The following ARIH1 variants were observed in gnomAD, a reference collection of about 807,000 sequenced individuals.
ARIH1 encodes the protein ariadne RBR E3 ubiquitin protein ligase 1, also known as E3 ubiquitin-protein ligase ARIH1.
In ARIH1, 8 loss-of-function variants were observed where a neutral mutation model predicts 85.0. The ratio of observed to expected loss-of-function variants is 0.09; its 90% confidence interval spans 0.06 to 0.17. ARIH1 has a LOEUF of 0.17. Ranked by LOEUF, ARIH1 falls within the 10% of genes least tolerant of loss-of-function variation. The pLI, the probability that ARIH1 is intolerant of heterozygous loss-of-function variation, is 1.00. For missense variants in ARIH1, 311 were observed against 718.1 expected, an observed-to-expected ratio of 0.43 and a Z score of 6.48; for synonymous variants, 238 against 253.6, an observed-to-expected ratio of 0.94 and a Z score of 0.59.
At chr15:72,543,961 GTTATC>G (rs1245357961) in intron 2 of ARIH1, among the ~76,000 whole-genome samples, 1 of 151,820 alleles carries the variant, frequency 6.6e-6, no homozygotes, top group East Asian at 1.9e-4. Context: ...AGTATTTACT[GTTATC>G]TTAACCACCT....
rs938949088 is a variant in ARIH1, at chr15:72,591,291, A to G, written c.*7999A>G. On this transcript the variant is annotated 3_prime_UTR_variant, in exon 14 of 14. Transcript: ENST00000379887. The stretch of plus-strand genomic sequence containing the variant: ...ACCAACTCTTTATAGTAGACAGTTT[A>G]TCCCCCAGAAAGCTTTTTAGGCTGA... 1 of 151,628 alleles carries G rather than the reference A, an allele frequency of 6.6e-6. No homozygotes were observed. Among genetic ancestry groups the G allele is most frequent in the Non-Finnish European group, 1.5e-5 (1 of 67,924 alleles). The allele number at this position is 151,628 out of a possible 1,614,324, so 9.4% of individuals were successfully genotyped here.
intron 6 of ARIH1, among the ~76,000 whole-genome samples, chr15:72,561,886 T>C (rs2064198996): frequency 6.6e-6 from 1 of 152,080 alleles, no homozygotes; most frequent in South Asian, 2.1e-4. Flanking sequence ...GGCAGGAGAA[T>C]CGCTTGAACC....
intron 1 of ARIH1, among the ~76,000 whole-genome samples, chr15:72,498,571 G>C (rs4776600): frequency 6.6e-6 from 1 of 152,190 alleles, no homozygotes; most frequent in Non-Finnish European, 1.5e-5. Flanking sequence ...TTGGTCTGGC[G>C]TGGTGGCTCA....
At chr15:72,521,617 C>T (rs1430204427) in intron 2 of ARIH1, among the ~76,000 whole-genome samples, 4 of 152,096 alleles carry the variant, frequency 2.6e-5, no homozygotes, top group East Asian at 1.9e-4. Context: ...GGTGCCATCT[C>T]GGCTCACTGC....
chr15:72,574,879 G>C (rs1334882834), intron 11 of ARIH1, among the ~76,000 whole-genome samples: 1 of 150,392 alleles, frequency 6.6e-6, no homozygotes, highest in Non-Finnish European at 1.5e-5. Flanking sequence ...AGACCAGCCT[G>C]AGCAACATAG....
chr15:72,538,678 A>G (rs1041102351), intron 2 of ARIH1, among the ~76,000 whole-genome samples: 1 of 152,212 alleles, frequency 6.6e-6, no homozygotes. Context: ...AATTTAATTC[A>G]TATTATTTGG....
chr15:72,500,038 A>G (rs1423455574), intron 1 of ARIH1, among the ~76,000 whole-genome samples: 1 of 152,146 alleles, frequency 6.6e-6, no homozygotes, highest in African/African-American at 2.4e-5. Context: ...TTTGTGCAAG[A>G]CATTGCCTTC....
Position 72,570,248 on chromosome 15 carries a change from T to C in ARIH1, c.1098T>C (p.Asn366=), listed in dbSNP as rs2064237141. The change falls in exon 10 of 14, where the codon AAT becomes AAC. Residue 366 remains asparagine, a synonymous_variant. Transcript: ENST00000379887. ...ATCACATGGTCTGTCGTAACCAGAA[T>C]TGTAAAGCAGAGTTTTGCTGGGTGT... ...GCNHMVCRNQ[N]CKAEFCWVCL... 6.2e-7 allele frequency: 1 copy of C among 1,613,956 alleles called. No individual in the cohort carries two copies. The highest frequency in any genetic ancestry group is 1.1e-5 in the South Asian group (1 of 91,088).
intron 1 of ARIH1, chr15:72,496,740 C>A (rs759416828): frequency 1.1e-6 from 1 of 921,716 alleles, no homozygotes; most frequent in Non-Finnish European, 1.3e-6. Context: ...AAGTGTGTCT[C>A]TTTGGCCTTT....
Position 72,566,549 on chromosome 15 carries a change from G to T in ARIH1, c.912-14G>T. ...TAGGCCTTAATTCTATTAACTCTTT[G>T]TGTCACTTAACAGCTTTAACTGTGG... On this transcript the variant is annotated splice_polypyrimidine_tract_variant and intron_variant, in intron 7 of 13. Coordinates refer to ENST00000379887, the MANE Select transcript of ARIH1 (RefSeq NM_005744.5). The T allele has an allele frequency of 1.2e-6, 2 of 1,609,272 alleles. No homozygotes were observed. Among genetic ancestry groups the T allele is most frequent in the South Asian group, 1.1e-5 (1 of 90,776 alleles).
intron 1 of ARIH1, among the ~76,000 whole-genome samples, chr15:72,502,098 A>G (rs1018964106): frequency 1.3e-4 from 20 of 152,056 alleles, no homozygotes; most frequent in African/African-American, 2.7e-4. Flanking sequence ...TACCTTACCT[A>G]TTGTTTCTAT....
chr15:72,545,293 A>G (rs1409210324), intron 3 of ARIH1, among the ~76,000 whole-genome samples: 1 of 152,210 alleles, frequency 6.6e-6, no homozygotes, highest in Non-Finnish European at 1.5e-5. Flanking sequence ...AAATTAAAAT[A>G]GATTTAAACT....
chr15:72,476,806 G>A (rs1345366112), intron 1 of ARIH1, among the ~76,000 whole-genome samples: 3 of 152,130 alleles, frequency 2.0e-5, no homozygotes, highest in Non-Finnish European at 4.4e-5. Flanking sequence ...ATGGTTCCAC[G>A]TTAATAACAG....
intron 1 of ARIH1, among the ~76,000 whole-genome samples, chr15:72,476,736 G>T (rs4608289): frequency 6.6e-6 from 1 of 152,184 alleles, no homozygotes. Flanking sequence ...CTGCCACCCA[G>T]AGACGTACAA....
chr15:72,491,714 A>G (rs1283542738), intron 1 of ARIH1, among the ~76,000 whole-genome samples: 1 of 152,170 alleles, frequency 6.6e-6, no homozygotes, highest in Non-Finnish European at 1.5e-5. Flanking sequence ...TTAACCAGTT[A>G]TCTTACGGAA....
intron 1 of ARIH1, among the ~76,000 whole-genome samples, chr15:72,506,405 G>A (rs770873971): frequency 3.2e-4 from 47 of 145,818 alleles, no homozygotes; most frequent in Non-Finnish European, 5.9e-4. Context: ...AAGATTTAAA[G>A]CATTCATTGT....
intron 1 of ARIH1, among the ~76,000 whole-genome samples, chr15:72,488,713 C>T (rs928758321): frequency 4.6e-5 from 7 of 152,144 alleles, no homozygotes; most frequent in African/African-American, 1.7e-4. Flanking sequence ...TCTCAGTTTC[C>T]TTGTGGTAAA....
At chr15:72,541,873 A>G (rs911890064) in intron 2 of ARIH1, among the ~76,000 whole-genome samples, 3 of 152,200 alleles carry the variant, frequency 2.0e-5, no homozygotes, top group Non-Finnish European at 2.9e-5. Context: ...AAGAGTGATT[A>G]CAGTTAGTAA....
chr15:72,580,147 T>TC (rs532020529), intron 11 of ARIH1, among the ~76,000 whole-genome samples: 324 of 152,286 alleles, frequency 2.1e-3, no homozygotes, highest in African/African-American at 7.7e-3. Flanking sequence ...GTCTGTGAGT[T>TC]CAACTTTTTT....
Sources: gnomAD v4.1 joint callset for allele counts (sites outside exome capture counted in the v4.1 genomes callset) on GRCh38, gnomAD v4.1.1 for gene constraint, MANE v1.5 for transcripts, NCBI Gene and HGNC (gene_info 2026-07-23, HGNC 2026-07-21) for gene names.